KLHL32: variants seen among roughly 807,000 people sequenced by gnomAD.
KLHL32 encodes the protein kelch-like protein 32.
Under a neutral mutation model 64.8 loss-of-function variants are expected in KLHL32, and 35 were observed. The observed-to-expected ratio is 0.54, with a 90% CI of 0.41 to 0.72. The LOEUF (loss-of-function observed/expected upper bound fraction) is 0.72. KLHL32 is among the 30% of genes least tolerant of loss of function. The probability of loss-of-function intolerance (pLI) is 0.00; values close to 1 mark genes in which losing one functional copy is unlikely to be tolerated. For missense variants in KLHL32, 589 were observed against 768.5 expected (o/e 0.77, Z 2.76); for synonymous variants, 259 against 281.0 (o/e 0.92, Z 0.78).
chr6:97,088,479 G>A (rs989350667), intron 6 of KLHL32, among the ~76,000 whole-genome samples: 16 of 152,168 alleles, frequency 1.1e-4, no homozygotes, highest in African/African-American at 3.6e-4. Flanking sequence ...TCTTCTGTTA[G>A]ATTTTGCATA....
At chr6:97,064,436 G>C (rs13209557) in intron 4 of KLHL32, among the ~76,000 whole-genome samples, 192 bp from the exon 5 acceptor site, 8,867 of 152,254 alleles carry the variant, frequency 0.058, 368 homozygotes, top group Non-Finnish European at 0.088. Context: ...AAAATTGGCT[G>C]TTAGAGTAAG....
At chr6:97,122,655 A>G (rs935344028) in intron 7 of KLHL32, among the ~76,000 whole-genome samples, 5 of 152,222 alleles carry the variant, frequency 3.3e-5, no homozygotes, top group African/African-American at 1.2e-4. Context: ...GTTTATGGAA[A>G]TGGTAAGAAA....
chr6:96,928,015 C>T (rs1472027670), intron 1 of KLHL32, among the ~76,000 whole-genome samples: 1 of 152,220 alleles, frequency 6.6e-6, no homozygotes, highest in Non-Finnish European at 1.5e-5. Context: ...AATCTTGCAA[C>T]TTCAGCTGCT....
rs533287892 is a variant in KLHL32, at chr6:97,136,501, T to C, written c.1702-2620T>C. Among the ~76,000 whole-genome samples, 113 of 152,196 alleles carry C rather than the reference T, an allele frequency of 7.4e-4. 1 individual carries two copies. The highest frequency in any genetic ancestry group is 2.6e-3 in the African/African-American group (108 of 41,520). ...AATAGATTACTGACGAAAGTGAAGG[T>C]GTTCTTGTTTATTTAGTGGGTGTGT... On this transcript the variant is annotated intron_variant, in intron 10 of 10. Transcript: ENST00000369261.
intron 3 of KLHL32, among the ~76,000 whole-genome samples, chr6:96,988,782 G>T (rs1216369188): frequency 1.3e-5 from 2 of 152,218 alleles, no homozygotes; most frequent in South Asian, 2.1e-4. Flanking sequence ...CCATAAAAAA[G>T]GATGAGTTCA....
chr6:97,109,394 G>C (rs952793362), intron 6 of KLHL32, among the ~76,000 whole-genome samples: 9 of 152,164 alleles, frequency 5.9e-5, no homozygotes, highest in Non-Finnish European at 1.0e-4. Flanking sequence ...CAAACTAATA[G>C]TTATGCACAA....
chr6:96,910,285 C>CA, the KLHL32 span, among the ~76,000 whole-genome samples: 281 of 136,134 alleles, frequency 2.1e-3, 1 homozygote, highest in Middle Eastern at 7.5e-3. Context: ...GAAGATAAAG[C>CA]AAAAAAAAAA....
chr6:97,015,655 G>A (rs1398561262), intron 3 of KLHL32, among the ~76,000 whole-genome samples: 1 of 152,172 alleles, frequency 6.6e-6, no homozygotes, highest in African/African-American at 2.4e-5. Context: ...CAATAGAAAA[G>A]GAAAACCCAT....
chr6:97,016,153 C>T (rs999123574), intron 3 of KLHL32, among the ~76,000 whole-genome samples: 2 of 152,236 alleles, frequency 1.3e-5, no homozygotes, highest in African/African-American at 4.8e-5. Flanking sequence ...ACACAGAGTC[C>T]CCACTGGGGC....
intron 6 of KLHL32, among the ~76,000 whole-genome samples, chr6:97,107,276 G>GA (rs34178903): frequency 0.054 from 8,149 of 151,656 alleles, 737 homozygotes; most frequent in African/African-American, 0.19. Flanking sequence ...CTGGGCGAAA[G>GA]GCAAGACTCC....
At chr6:97,117,973 G>A (rs925188605) in intron 7 of KLHL32, among the ~76,000 whole-genome samples, 5 of 152,082 alleles carry the variant, frequency 3.3e-5, no homozygotes, top group African/African-American at 1.2e-4. Context: ...GATTCTCTTG[G>A]TGAATGCCAC....
intron 3 of KLHL32, among the ~76,000 whole-genome samples, chr6:96,988,543 T>A (rs1582604472): frequency 6.6e-6 from 1 of 152,290 alleles, no homozygotes; most frequent in Admixed American, 6.5e-5. Flanking sequence ...GAAGTCAGTG[T>A]GGCGATTCCT....
chr6:97,089,736 C>T (rs112560296), intron 6 of KLHL32, among the ~76,000 whole-genome samples: 119 of 149,770 alleles, frequency 7.9e-4, no homozygotes, highest in African/African-American at 2.8e-3. Context: ...GTGGAGATTG[C>T]GCCACTACAC....
chr6:97,082,430 G>A (rs1009247447), intron 5 of KLHL32, among the ~76,000 whole-genome samples: 3 of 152,132 alleles, frequency 2.0e-5, no homozygotes, highest in East Asian at 3.9e-4. Context: ...TGGCTAACAC[G>A]GTGAAACCCC....
intron 4 of KLHL32, among the ~76,000 whole-genome samples, chr6:97,044,253 T>C (rs1370082518): frequency 1.3e-5 from 2 of 152,162 alleles, no homozygotes; most frequent in Admixed American, 6.5e-5. Context: ...GATGATCGTA[T>C]GGTTGTTATC....
At chr6:97,125,832 A>G (rs758196574) in intron 7 of KLHL32, among the ~76,000 whole-genome samples, 6 of 152,240 alleles carry the variant, frequency 3.9e-5, no homozygotes, top group Non-Finnish European at 7.3e-5. Flanking sequence ...ATAGAGCACT[A>G]TCTTCCTTGA....
intron 3 of KLHL32, chr6:97,025,158 G>C: frequency 4.2e-6 from 4 of 963,538 alleles, no homozygotes; most frequent in Non-Finnish European, 3.7e-6. Flanking sequence ...TTGGTATAAA[G>C]AATTATTGGA....
intron 1 of KLHL32, among the ~76,000 whole-genome samples, chr6:96,929,808 G>A (rs1769624724): frequency 6.6e-6 from 1 of 152,110 alleles, no homozygotes; most frequent in African/African-American, 2.4e-5. Context: ...AAACAGTTTT[G>A]CAGACTTGAC....
intron 8 of KLHL32, among the ~76,000 whole-genome samples, chr6:97,130,362 T>A (rs1391845718): frequency 1.3e-5 from 2 of 152,164 alleles, no homozygotes; most frequent in Admixed American, 1.3e-4. Context: ...CCAGAAACTA[T>A]TTTCTTAATC....
Sources: gnomAD v4.1 joint callset for allele counts (sites outside exome capture counted in the v4.1 genomes callset) on GRCh38, gnomAD v4.1.1 for gene constraint, MANE v1.5 for transcripts, NCBI Gene and HGNC (gene_info 2026-07-23, HGNC 2026-07-21) for gene names.